Variants in PPM1E observed in about 807,000 individuals in gnomAD.
PPM1E encodes the protein protein phosphatase, Mg2+/Mn2+ dependent 1E.
PPM1E carries 20 observed loss-of-function variants against 65.9 expected under a neutral mutation model. That is an observed-to-expected ratio of 0.30 (90% CI 0.21 to 0.44). The LOEUF is 0.44. Among genes scored for constraint, PPM1E ranks in the 20% least tolerant of loss-of-function variants. PPM1E has a pLI of 1.00. For synonymous variants in PPM1E, 352 were observed against 374.9 expected, an observed-to-expected ratio of 0.94 and a Z score of 0.70; for missense variants, 713 against 953.1, an observed-to-expected ratio of 0.75 and a Z score of 3.32.
chr17:58,944,764 T>A (rs968044357), intron 1 of PPM1E, among the ~76,000 whole-genome samples: 2 of 152,240 alleles, frequency 1.3e-5, no homozygotes, highest in Non-Finnish European at 2.9e-5. Context: ...TTTTTACTAT[T>A]TGGCGATTAT....
chr17:58,928,402 T>C (rs1298391062), intron 1 of PPM1E, among the ~76,000 whole-genome samples: 1 of 151,950 alleles, frequency 6.6e-6, no homozygotes, highest in Non-Finnish European at 1.5e-5. Context: ...TTATGTTATC[T>C]GAACTCTTAG....
intron 1 of PPM1E, among the ~76,000 whole-genome samples, chr17:58,818,445 T>G (rs1167096800): frequency 6.6e-6 from 1 of 152,214 alleles, no homozygotes; most frequent in South Asian, 2.1e-4. Flanking sequence ...ATCCCTATCT[T>G]TTGGAGTTTA....
intron 1 of PPM1E, among the ~76,000 whole-genome samples, chr17:58,849,434 C>T (rs2050803664): frequency 6.6e-6 from 1 of 152,160 alleles, no homozygotes; most frequent in Non-Finnish European, 1.5e-5. Flanking sequence ...CCTCTATACA[C>T]TGCTTTAAAT....
intron 1 of PPM1E, among the ~76,000 whole-genome samples, chr17:58,922,675 G>A (rs1297197510): frequency 6.8e-6 from 1 of 146,454 alleles, no homozygotes; most frequent in African/African-American, 2.5e-5. Flanking sequence ...TTAAATATAT[G>A]TCTTGAAGTA....
At chr17:58,771,360 G>A (rs950467374) in intron 1 of PPM1E, among the ~76,000 whole-genome samples, 5 of 151,632 alleles carry the variant, frequency 3.3e-5, no homozygotes, top group Admixed American at 2.6e-4. Context: ...GATTAAGGCC[G>A]GGCATGGTGG....
intron 1 of PPM1E, among the ~76,000 whole-genome samples, chr17:58,849,372 A>G (rs2050803087): frequency 6.6e-6 from 1 of 152,002 alleles, no homozygotes; most frequent in Non-Finnish European, 1.5e-5. Context: ...TTAGGGTGTC[A>G]ATTTTAGATC....
At chr17:58,851,716 T>C (rs2050827973) in intron 1 of PPM1E, among the ~76,000 whole-genome samples, 1 of 152,244 alleles carries the variant, frequency 6.6e-6, no homozygotes, top group Non-Finnish European at 1.5e-5. Flanking sequence ...CCAGTTAGGC[T>C]ACTCCTGGGT....
chr17:58,778,125 A>T (rs1267433628), intron 1 of PPM1E, among the ~76,000 whole-genome samples: 2 of 150,846 alleles, frequency 1.3e-5, no homozygotes, highest in Non-Finnish European at 3.0e-5. Flanking sequence ...TCTGAGATGG[A>T]GTCTTGCTCT....
rs2031383262 is a variant in PPM1E at position 58,982,017 on chromosome 17, GCTA to G, written c.*989_*991del. On this transcript the variant is annotated 3_prime_UTR_variant, in exon 7 of 7. Coordinates refer to ENST00000308249, the MANE Select transcript of PPM1E (RefSeq NM_014906.5). ...AAAGTGATTTTAGAGAATGAAAAAT[GCTA>G]CTTTTATCTTCTCTAAAATTATTTC... The G allele has an allele frequency of 6.6e-6, 1 of 152,618 alleles. No individual in the cohort carries two copies. Among genetic ancestry groups the G allele is most frequent in the Non-Finnish European group, 1.5e-5 (1 of 68,038 alleles). 9.5% of individuals were successfully genotyped at this position (152,618 alleles called of 1,614,324 possible). A position where few individuals can be genotyped will look rare whatever the true frequency, so the allele number is the denominator to read the frequency against.
intron 1 of PPM1E, among the ~76,000 whole-genome samples, chr17:58,880,976 T>C (rs531732171): frequency 1.3e-5 from 2 of 152,346 alleles, no homozygotes; most frequent in African/African-American, 2.4e-5. Context: ...TATTTTATTC[T>C]ATGTTAAGTT....
intron 1 of PPM1E, among the ~76,000 whole-genome samples, chr17:58,830,923 G>A (rs1420426088): frequency 6.6e-6 from 1 of 151,704 alleles, no homozygotes; most frequent in East Asian, 1.9e-4. Context: ...ATCCTCAAGT[G>A]ATCCACCCGC....
chr17:58,797,497 T>G (rs2050217845), intron 1 of PPM1E, among the ~76,000 whole-genome samples: 1 of 152,232 alleles, frequency 6.6e-6, no homozygotes, highest in Admixed American at 6.5e-5. Flanking sequence ...GAAAGCTTCT[T>G]TCAGACAGCA....
rs185171120 is a variant in PPM1E at position 58,926,698 on chromosome 17, T to A, written c.465-28951T>A. ...ATTTTAAGAGAAGCTGATTTTTTTT[T>A]AAATTACTATTTGTATGGCATTTTT... On this transcript the variant is annotated intron_variant, in intron 1 of 6. Transcript: ENST00000308249. Among the ~76,000 whole-genome samples the A allele has an allele frequency of 2.0e-3, 309 of 152,288 alleles. 6 individuals carry two copies. Among genetic ancestry groups the A allele is most frequent in the Admixed American group, 0.015 (228 of 15,294 alleles).
chr17:58,955,932 TAAAAG>T (rs1228107324), intron 2 of PPM1E, among the ~76,000 whole-genome samples, 165 bp downstream of exon 2: 1 of 151,686 alleles, frequency 6.6e-6, no homozygotes, highest in Non-Finnish European at 1.5e-5. Context: ...AATAAATCAA[TAAAAG>T]GAAGGGAAGA....
At chr17:58,861,136 G>A in intron 1 of PPM1E, among the ~76,000 whole-genome samples, 1 of 152,108 alleles carries the variant, frequency 6.6e-6, no homozygotes, top group East Asian at 1.9e-4. Flanking sequence ...CCTTGGAAAG[G>A]CAATACCCAC....
rs148201335 is a variant in PPM1E, at chr17:58,830,482, A to G, written c.464+74021A>G. 8.8e-3 allele frequency among the ~76,000 whole-genome samples: 1,326 copies of G among 151,524 alleles called. 20 individuals carry two copies. Among genetic ancestry groups the G allele is most frequent in the African/African-American group, 0.029 (1,214 of 41,282 alleles). On this transcript the variant is annotated intron_variant, in intron 1 of 6. Transcript: ENST00000308249. Reference sequence around the variant, plus strand: ...ACCACCATGCCCGGCTGATTTTTGTATTTTTAGTAGAGACGGGGTTTCACC... The same window carrying G: ...ACCACCATGCCCGGCTGATTTTTGTGTTTTTAGTAGAGACGGGGTTTCACC...
Position 58,982,623 on chromosome 17 carries a change from C to T in PPM1E, c.*1592C>T. On this transcript the variant is annotated 3_prime_UTR_variant, in exon 7 of 7. Coordinates refer to ENST00000308249, the MANE Select transcript of PPM1E (RefSeq NM_014906.5). The stretch of plus-strand genomic sequence containing the variant: ...TACCAGTATAGCTATATCAAATAGA[C>T]AAAAACAGCTTCACTTTAGCAATGA... The T allele has an allele frequency of 2.5e-6, 1 of 400,988 alleles. No homozygotes were observed. The highest frequency in any genetic ancestry group is 3.9e-5 in the South Asian group (1 of 25,480). The allele number at this position is 400,988 out of a possible 1,614,324, so 24.8% of individuals were successfully genotyped here.
At chr17:58,787,076 T>C (rs755593435) in intron 1 of PPM1E, among the ~76,000 whole-genome samples, 5 of 152,208 alleles carry the variant, frequency 3.3e-5, no homozygotes, top group Non-Finnish European at 7.3e-5. Context: ...CCTCTGGCTG[T>C]GGGTCAGGCA....
chr17:58,767,227 A>C (rs1051173069), intron 1 of PPM1E, among the ~76,000 whole-genome samples: 1 of 152,090 alleles, frequency 6.6e-6, no homozygotes, highest in Admixed American at 6.6e-5. Flanking sequence ...TTTTATATTT[A>C]TTACCTCTTT....
Sources: gnomAD v4.1 joint callset for allele counts (sites outside exome capture counted in the v4.1 genomes callset) on GRCh38, gnomAD v4.1.1 for gene constraint, MANE v1.5 for transcripts, NCBI Gene and HGNC (gene_info 2026-07-23, HGNC 2026-07-21) for gene names.